Variants in ERBB4 observed in about 807,000 individuals in gnomAD.
ERBB4 encodes erb-b2 receptor tyrosine kinase 4, also known as receptor tyrosine-protein kinase erbB-4.
Under a neutral mutation model 158.0 loss-of-function variants are expected in ERBB4, and 42 were observed. The ratio of observed to expected loss-of-function variants is 0.27; its 90% CI spans 0.21 to 0.34. The LOEUF (loss-of-function observed/expected upper bound fraction) is 0.34, where lower values mean the gene tolerates loss of function less well. ERBB4 is among the 10% of genes least tolerant of loss of function. The pLI is 1.00. For synonymous variants in ERBB4, 583 were observed against 558.7 expected, an observed-to-expected ratio of 1.04 and a Z score of -0.61; for missense variants, 1,333 against 1,624.1, an observed-to-expected ratio of 0.82 and a Z score of 3.08.
intron 1 of ERBB4, among the ~76,000 whole-genome samples, chr2:212,438,222 T>C (rs114539494): frequency 6.7e-4 from 102 of 152,228 alleles, no homozygotes; most frequent in African/African-American, 2.4e-3. Context: ...AAATGTGTTT[T>C]GGAGCCAGAC....
chr2:211,770,079 C>T (rs187620435), intron 4 of ERBB4, among the ~76,000 whole-genome samples: 98 of 152,300 alleles, frequency 6.4e-4, no homozygotes, highest in Admixed American at 3.6e-3. Flanking sequence ...TTAACCTCTA[C>T]GCCTAATTCT....
At chr2:211,953,767 T>C (rs562873114) in intron 2 of ERBB4, among the ~76,000 whole-genome samples, 4 of 152,158 alleles carry the variant, frequency 2.6e-5, no homozygotes, top group Admixed American at 2.6e-4. Context: ...GGACAATTTG[T>C]TTTGCTTATG....
intron 1 of ERBB4, among the ~76,000 whole-genome samples, chr2:212,301,905 C>T (rs537601748): frequency 2.7e-4 from 41 of 151,480 alleles, no homozygotes; most frequent in Non-Finnish European, 4.0e-4. Flanking sequence ...CCACATACAA[C>T]TTTTAAGATA....
chr2:211,996,194 AT>A (rs1400545252), intron 2 of ERBB4, among the ~76,000 whole-genome samples: 14 of 152,060 alleles, frequency 9.2e-5, no homozygotes, highest in African/African-American at 3.4e-4. Context: ...TACCATATAG[AT>A]TTTTTTATAG....
intron 3 of ERBB4, among the ~76,000 whole-genome samples, chr2:211,824,653 T>C (rs1190920704): frequency 6.7e-6 from 1 of 148,294 alleles, no homozygotes; most frequent in Non-Finnish European, 1.5e-5. Context: ...ATAGAAGGAA[T>C]ATATATTTAC....
intron 1 of ERBB4, among the ~76,000 whole-genome samples, chr2:212,466,094 C>T (rs910944144): frequency 2.6e-5 from 4 of 152,174 alleles, no homozygotes; most frequent in African/African-American, 7.2e-5. Flanking sequence ...ATGTGTTTTA[C>T]ACCAATATTC....
At chr2:211,979,093 C>T (rs1422641926) in intron 2 of ERBB4, among the ~76,000 whole-genome samples, 1 of 152,138 alleles carries the variant, frequency 6.6e-6, no homozygotes, top group Non-Finnish European at 1.5e-5. Flanking sequence ...CACCAACTCC[C>T]TCTTCCTTAA....
chr2:212,372,187 G>C (rs1170040564), intron 1 of ERBB4, among the ~76,000 whole-genome samples: 3 of 151,968 alleles, frequency 2.0e-5, no homozygotes, highest in Admixed American at 6.6e-5. Context: ...TTCAAAGCAA[G>C]GACATCAGAC....
intron 1 of ERBB4, among the ~76,000 whole-genome samples, chr2:212,397,282 C>T (rs549728063): frequency 6.6e-6 from 1 of 152,058 alleles, no homozygotes; most frequent in South Asian, 2.1e-4. Context: ...TGAGACCAGC[C>T]TGGGCAACAT....
At chr2:212,517,009 C>T (rs943926295) in intron 1 of ERBB4, among the ~76,000 whole-genome samples, 4 of 152,044 alleles carry the variant, frequency 2.6e-5, no homozygotes, top group Non-Finnish European at 5.9e-5. Context: ...ATTTCAGGCC[C>T]ACAATCACTG....
At chr2:212,513,058 CTG>C (rs1691615336) in intron 1 of ERBB4, among the ~76,000 whole-genome samples, 1 of 152,178 alleles carries the variant, frequency 6.6e-6, no homozygotes, top group African/African-American at 2.4e-5. Flanking sequence ...ATTTCAGAAA[CTG>C]TCTTTCCCAG....
At chr2:211,607,010 A>G (rs2069006625) in intron 19 of ERBB4, among the ~76,000 whole-genome samples, 1 of 152,138 alleles carries the variant, frequency 6.6e-6, no homozygotes, top group African/African-American at 2.4e-5. Context: ...GGTCAGATTT[A>G]CCTATTATTT....
At chr2:211,535,581 G>A (rs989041001) in intron 20 of ERBB4, 1 of 129,534 alleles carries the variant, frequency 7.7e-6, no homozygotes, top group African/African-American at 3.2e-5. Context: ...AAGAGAGAGA[G>A]AGAGTGTATG....
chr2:211,760,821 G>C (rs1432177517), intron 4 of ERBB4, among the ~76,000 whole-genome samples: 3 of 152,142 alleles, frequency 2.0e-5, no homozygotes, highest in Non-Finnish European at 4.4e-5. Context: ...TTTACTCTCT[G>C]CACAGCGCAG....
At chr2:212,007,397 A>G (rs1486726154) in intron 2 of ERBB4, among the ~76,000 whole-genome samples, 8 of 151,832 alleles carry the variant, frequency 5.3e-5, no homozygotes, top group Non-Finnish European at 8.9e-5. Flanking sequence ...GATACCATAA[A>G]ATGACTATAT....
intron 2 of ERBB4, among the ~76,000 whole-genome samples, chr2:211,989,498 CATATA>C (rs1392279162): frequency 6.6e-6 from 1 of 151,662 alleles, no homozygotes; most frequent in Non-Finnish European, 1.5e-5. Context: ...AAATTTTATT[CATATA>C]ATATTTCTTC....
chr2:212,395,377 A>G (rs954912283), intron 1 of ERBB4, among the ~76,000 whole-genome samples: 2 of 151,876 alleles, frequency 1.3e-5, no homozygotes, highest in African/African-American at 4.8e-5. Flanking sequence ...GTGAGCTTAT[A>G]AGCATTGATT....
chr2:211,513,697 T>C (rs2065947336), intron 20 of ERBB4, among the ~76,000 whole-genome samples: 1 of 152,048 alleles, frequency 6.6e-6, no homozygotes, highest in South Asian at 2.1e-4. Flanking sequence ...GCTAGAGTAA[T>C]AGGTCTTTGG....
chr2:211,501,938 A>G (rs1479330732), intron 20 of ERBB4, among the ~76,000 whole-genome samples: 1 of 152,096 alleles, frequency 6.6e-6, no homozygotes, highest in Non-Finnish European at 1.5e-5. Context: ...CGACTTGGCT[A>G]TATTTGTTGT....
Sources: allele counts gnomAD v4.1 joint callset (sites outside exome capture counted in the v4.1 genomes callset), GRCh38; gene constraint gnomAD v4.1.1; transcripts MANE v1.5; gene names NCBI Gene and HGNC (gene_info 2026-07-23, HGNC 2026-07-21).